The following LRRTM4 variants were observed in gnomAD, a reference collection of about 807,000 sequenced individuals.
LRRTM4 encodes the protein leucine rich repeat transmembrane neuronal 4.
A neutral mutation model predicts 47.6 loss-of-function variants in LRRTM4; 25 were observed. The ratio of observed to expected loss-of-function variants is 0.53; its 90% CI spans 0.38 to 0.73. LRRTM4 has a LOEUF of 0.73. Ranked by LOEUF, LRRTM4 falls within the 30% of genes least tolerant of loss-of-function variation. LRRTM4 has a pLI of 0.00. For missense variants in LRRTM4, 638 were observed against 713.4 expected, an observed-to-expected ratio of 0.89 and a Z score of 1.20; for synonymous variants, 311 against 269.5, an observed-to-expected ratio of 1.15 and a Z score of -1.51.
intron 3 of LRRTM4, among the ~76,000 whole-genome samples, chr2:77,420,788 T>TATATATAATACATATATA (rs1296978665): frequency 2.7e-5 from 4 of 146,018 alleles, no homozygotes; most frequent in Non-Finnish European, 4.5e-5. Context: ...AATGTATATA[T>TATATATAATACATATATA]ATATATAATA....
intron 3 of LRRTM4, among the ~76,000 whole-genome samples, chr2:77,066,853 T>C (rs140309490): frequency 1.3e-5 from 2 of 152,358 alleles, no homozygotes; most frequent in African/African-American, 4.8e-5. Context: ...CAAACCAGTA[T>C]GTCTGGTAAT....
At chr2:77,268,437 GTCTC>G (rs922818646) in intron 3 of LRRTM4, among the ~76,000 whole-genome samples, 2 of 151,936 alleles carry the variant, frequency 1.3e-5, no homozygotes, top group African/African-American at 4.8e-5. Flanking sequence ...TATCCCCTGT[GTCTC>G]TCTAAGTCTT....
At chr2:76,923,128 CAATGTCTTTG>C (rs1674483223) in intron 3 of LRRTM4, among the ~76,000 whole-genome samples, 1 of 151,978 alleles carries the variant, frequency 6.6e-6, no homozygotes, top group South Asian at 2.1e-4. Flanking sequence ...AAACTTCTGT[CAATGTCTTTG>C]TATGTCTTTG....
intron 3 of LRRTM4, among the ~76,000 whole-genome samples, chr2:77,375,422 GT>G (rs1417469779): frequency 6.6e-6 from 1 of 151,552 alleles, no homozygotes. Flanking sequence ...ACACCTTCTT[GT>G]TTGTTTGTTC....
chr2:77,156,691 T>C (rs979694570), intron 3 of LRRTM4, among the ~76,000 whole-genome samples: 1 of 150,416 alleles, frequency 6.6e-6, no homozygotes, highest in Non-Finnish European at 1.5e-5. Context: ...TAAAGAAAGA[T>C]ACAATGAGCC....
At chr2:76,816,872 G>A (rs1218217093) in intron 3 of LRRTM4, among the ~76,000 whole-genome samples, 1 of 97,764 alleles carries the variant, frequency 1.0e-5, no homozygotes, top group African/African-American at 3.5e-5. Flanking sequence ...TGGTGCTTAA[G>A]AACATGCTTT....
intron 3 of LRRTM4, among the ~76,000 whole-genome samples, chr2:77,363,418 C>CA (rs1672315733): frequency 3.3e-5 from 5 of 152,190 alleles, no homozygotes. Context: ...CTTGAACTGA[C>CA]AGACTCCAGC....
chr2:76,790,767 A>C (rs1172363175), intron 3 of LRRTM4, among the ~76,000 whole-genome samples: 1 of 151,040 alleles, frequency 6.6e-6, no homozygotes, highest in African/African-American at 2.4e-5. Flanking sequence ...ATGTAAATCT[A>C]CTCTTTGATC....
intron 3 of LRRTM4, among the ~76,000 whole-genome samples, chr2:76,826,586 C>T (rs1470487205): frequency 6.6e-6 from 1 of 151,470 alleles, no homozygotes; most frequent in Non-Finnish European, 1.5e-5. Context: ...CTGTAAGTGA[C>T]AGGATAGCTA....
Position 76,957,916 on chromosome 2 carries a change from G to A in LRRTM4, c.1552-209000C>T, listed in dbSNP as rs538367842. ...TATATGTATACATATATGTGTTTGT[G>A]TGTGTGTATATATATGTGTGTGTGT... On this transcript the variant is annotated intron_variant, in intron 3 of 3. Coordinates refer to ENST00000409884, the MANE Select transcript of LRRTM4 (RefSeq NM_001134745.3). 2.6e-5 allele frequency among the ~76,000 whole-genome samples: 4 copies of A among 151,320 alleles called. No homozygotes were observed. The South Asian group carries it at 6.2e-4, about 24-fold the overall frequency.
Position 76,971,288 on chromosome 2 carries a change from T to C in LRRTM4, c.1552-222372A>G, listed in dbSNP as rs1172642182. On this transcript the variant is annotated intron_variant, in intron 3 of 3. Transcript: ENST00000409884. ...CCCATCTACCTAAATCAGAATGTGT[T>C]GGAGCCCTAGGATATGTACCTCTGA... 2.8e-5 allele frequency among the ~76,000 whole-genome samples: 4 copies of C among 141,730 alleles called. No homozygotes were observed. The East Asian group carries it at 7.8e-4, about 28-fold the overall frequency. The allele number at this position is 141,730 out of a possible 152,430, so 93.0% of individuals were successfully genotyped here. A position where few individuals can be genotyped will look rare whatever the true frequency, so the allele number is the denominator to read the frequency against.
rs541683616 is a variant in LRRTM4, at chr2:76,764,983, C to T, written c.1552-16067G>A. ...GAAAATTGTGGAAGTGGAGCTGTCG[C>T]CTAAAGTCATGGATGTGGAGTCACC... On this transcript the variant is annotated intron_variant, in intron 3 of 3. Transcript: ENST00000409884. Among the ~76,000 whole-genome samples the T allele has an allele frequency of 1.3e-3, 192 of 152,244 alleles. 1 individual carries two copies. The highest frequency in any genetic ancestry group is 8.3e-3 in the South Asian group (40 of 4,816).
chr2:77,319,514 T>C (rs2104221415), intron 3 of LRRTM4, among the ~76,000 whole-genome samples: 1 of 152,320 alleles, frequency 6.6e-6, no homozygotes, highest in Admixed American at 6.5e-5. Context: ...TGGTTCTCAC[T>C]GCGGAGCCTA....
At chr2:77,107,424 T>G (rs937836095) in intron 3 of LRRTM4, among the ~76,000 whole-genome samples, 1 of 152,200 alleles carries the variant, frequency 6.6e-6, no homozygotes, top group Non-Finnish European at 1.5e-5. Flanking sequence ...TATACACATA[T>G]ATACTTTTTT....
chr2:77,247,100 G>A (rs1189320087), intron 3 of LRRTM4, among the ~76,000 whole-genome samples: 8 of 151,964 alleles, frequency 5.3e-5, no homozygotes, highest in Admixed American at 1.3e-4. Flanking sequence ...AGGTCTGTTT[G>A]TTATTAATTA....
chr2:76,913,624 C>T (rs1439105853), intron 3 of LRRTM4, among the ~76,000 whole-genome samples: 1 of 145,428 alleles, frequency 6.9e-6, no homozygotes, highest in African/African-American at 2.6e-5. Flanking sequence ...ACTGCAACCT[C>T]TGCCTCCAGG....
chr2:76,768,565 T>C (rs1046953140), intron 3 of LRRTM4, among the ~76,000 whole-genome samples: 5 of 152,102 alleles, frequency 3.3e-5, no homozygotes, highest in South Asian at 4.1e-4. Flanking sequence ...CTATGGCTAA[T>C]TGAGAGAAAG....
intron 3 of LRRTM4, among the ~76,000 whole-genome samples, chr2:76,905,217 G>A (rs574605564): frequency 1.1e-3 from 161 of 152,272 alleles, no homozygotes; most frequent in African/African-American, 3.5e-3. Flanking sequence ...TGCAGACACC[G>A]CTGCTGATAC....
At chr2:77,411,226 G>A (rs1674408796) in intron 3 of LRRTM4, among the ~76,000 whole-genome samples, 1 of 151,990 alleles carries the variant, frequency 6.6e-6, no homozygotes, top group Admixed American at 6.6e-5. Context: ...CTACCTTATA[G>A]CCTTAATCTT....
Sources: allele counts gnomAD v4.1 joint callset (sites outside exome capture counted in the v4.1 genomes callset), GRCh38; gene constraint gnomAD v4.1.1; transcripts MANE v1.5; gene names NCBI Gene and HGNC (gene_info 2026-07-23, HGNC 2026-07-21).